Variants in MYO1E observed in about 807,000 individuals in gnomAD.
MYO1E encodes myosin IE.
Under a neutral mutation model 151.1 loss-of-function variants are expected in MYO1E, and 68 were observed. The ratio of observed to expected loss-of-function variants is 0.45; its 90% CI spans 0.37 to 0.55. The LOEUF (loss-of-function observed/expected upper bound fraction) is 0.55, where lower values mean the gene tolerates loss of function less well. Among genes scored for constraint, MYO1E ranks in the 20% least tolerant of loss-of-function variants. The pLI is 0.00. For synonymous variants in MYO1E, 601 were observed against 501.7 expected (o/e 1.20, Z -2.64); for missense variants, 1,363 against 1,389.3 (o/e 0.98, Z 0.30).
At chr15:59,179,527 G>A (rs962401380) in intron 18 of MYO1E, among the ~76,000 whole-genome samples, 40 of 152,138 alleles carry the variant, frequency 2.6e-4, no homozygotes, top group African/African-American at 9.4e-4. Flanking sequence ...ATGAGGTGCT[G>A]TGATTGAAGC....
At chr15:59,253,509 G>C (rs2080177168) in intron 4 of MYO1E, among the ~76,000 whole-genome samples, 1 of 130,682 alleles carries the variant, frequency 7.7e-6, no homozygotes, top group African/African-American at 2.9e-5. Context: ...TTGAGACAGA[G>C]TCTCACTCTG....
At chr15:59,267,596 CG>C (rs1210429552) in intron 2 of MYO1E, among the ~76,000 whole-genome samples, 6 of 152,260 alleles carry the variant, frequency 3.9e-5, no homozygotes, top group East Asian at 1.9e-4. Flanking sequence ...GGGTCTGGCA[CG>C]AAAATCTGGA....
At chr15:59,168,659 C>T (rs2079575117) in intron 22 of MYO1E, among the ~76,000 whole-genome samples, 1 of 152,128 alleles carries the variant, frequency 6.6e-6, no homozygotes. Context: ...TTTAAAATAA[C>T]TACCAGGCTG....
intron 26 of MYO1E, among the ~76,000 whole-genome samples, chr15:59,147,515 G>A (rs1387952726): frequency 2.7e-5 from 4 of 148,432 alleles, no homozygotes; most frequent in African/African-American, 1.0e-4. Flanking sequence ...TCGCTTGAAC[G>A]TGGGAGGCAG....
intron 4 of MYO1E, among the ~76,000 whole-genome samples, chr15:59,239,424 C>A (rs1480471261): frequency 6.6e-6 from 1 of 151,008 alleles, no homozygotes; most frequent in African/African-American, 2.4e-5. Context: ...CTAGAACAAG[C>A]TGGGAAAGAG....
intron 17 of MYO1E, among the ~76,000 whole-genome samples, chr15:59,188,573 G>A (rs1398240956): frequency 6.6e-6 from 1 of 152,156 alleles, no homozygotes; most frequent in Non-Finnish European, 1.5e-5. Context: ...GCACGCACCT[G>A]TAGTCCCAGC....
chr15:59,260,473 AG>A (rs2080218653), intron 3 of MYO1E, among the ~76,000 whole-genome samples: 1 of 152,142 alleles, frequency 6.6e-6, no homozygotes, highest in Non-Finnish European at 1.5e-5. Context: ...TTTGCTTTTT[AG>A]GGGTCAGGAT....
intron 5 of MYO1E, among the ~76,000 whole-genome samples, chr15:59,235,601 CCA>C (rs2080057411): frequency 6.6e-6 from 1 of 152,186 alleles, no homozygotes; most frequent in Non-Finnish European, 1.5e-5. Context: ...TAAGTTGTTT[CCA>C]GTCTTTTGCA....
rs146907813 is a variant in MYO1E, at chr15:59,208,287, T to G, written c.1530+394A>C. On this transcript the variant is annotated intron_variant, in intron 14 of 27. Coordinates refer to ENST00000288235, the MANE Select transcript of MYO1E (RefSeq NM_004998.4). The stretch of plus-strand genomic sequence containing the variant: ...TACTTATTTACAATTCCTAAGTATT[T>G]TTGGTACCTCTGATGTAGCAGCACT... The G allele has an allele frequency of 1.0e-3, 605 of 590,266 alleles. 2 individuals carry two copies. Among genetic ancestry groups the G allele is most frequent in the African/African-American group, 0.01 (535 of 53,224 alleles). The allele number at this position is 590,266 out of a possible 1,614,324, so 36.6% of individuals were successfully genotyped here.
rs541684476 is a variant in MYO1E, at chr15:59,197,346, T to C, written c.1699-1779A>G. Among the ~76,000 whole-genome samples the C allele has an allele frequency of 2.4e-4, 37 of 152,284 alleles. 1 individual carries two copies. The highest frequency in any genetic ancestry group is 8.7e-4 in the African/African-American group (36 of 41,556). ...TGCAAACTCTTTTGTCCTAAGTATT[T>C]AACAGCATTCCTTCTTTTTCACCTC... is the stretch of plus-strand genomic sequence containing the variant. On this transcript the variant is annotated intron_variant, in intron 16 of 27. Coordinates refer to ENST00000288235, the MANE Select transcript of MYO1E (RefSeq NM_004998.4).
At chr15:59,369,292 A>C (rs1341976236) in intron 1 of MYO1E, among the ~76,000 whole-genome samples, 1 of 152,234 alleles carries the variant, frequency 6.6e-6, no homozygotes, top group Non-Finnish European at 1.5e-5. Context: ...CAAGTAAGGA[A>C]AAGGGAACAG....
chr15:59,264,099 C>T (rs1303977268), intron 2 of MYO1E, among the ~76,000 whole-genome samples: 2 of 152,216 alleles, frequency 1.3e-5, no homozygotes, highest in African/African-American at 2.4e-5. Flanking sequence ...TATTTTGGAA[C>T]GTTTGCATTA....
intron 1 of MYO1E, among the ~76,000 whole-genome samples, chr15:59,318,815 G>A (rs1188393071): frequency 1.8e-4 from 27 of 152,122 alleles, no homozygotes; most frequent in Admixed American, 1.8e-3. Context: ...TTAAAGATGA[G>A]GAAAATGAGA....
intron 18 of MYO1E, among the ~76,000 whole-genome samples, chr15:59,183,560 GA>G (rs1300825625): frequency 1.3e-5 from 2 of 152,066 alleles, no homozygotes; most frequent in African/African-American, 4.8e-5. Flanking sequence ...GGTTGCATGA[GA>G]TTTTTTTTCT....
In MYO1E at chr15:59,147,806, GT is replaced by G. The variant is rs562346825; in HGVS notation, c.3080+5783del. 1.1e-4 allele frequency among the ~76,000 whole-genome samples: 16 copies of G among 152,118 alleles called. No individual in the cohort carries two copies. The South Asian group carries it at 3.3e-3, about 32-fold the overall frequency. On this transcript the variant is annotated intron_variant, in intron 26 of 27. Coordinates refer to ENST00000288235, the MANE Select transcript of MYO1E (RefSeq NM_004998.4). ...GCACAGCTGCCAAGGGTGTGTGTGT[GT>G]TGGGGGCGGGCGTCTCCCTGTCTGG...
intron 1 of MYO1E, among the ~76,000 whole-genome samples, chr15:59,333,101 A>C (rs1182999752): frequency 6.6e-6 from 1 of 152,230 alleles, no homozygotes; most frequent in Admixed American, 6.5e-5. Flanking sequence ...ACAGTTGCTT[A>C]GTAAACACAA....
In MYO1E at chr15:59,171,926, C is replaced by T. The variant is rs1210174525; in HGVS notation, c.2451G>A (p.Glu817=). ...GGGACACAGACAAGATCCGTTCTAT[C>T]TCGATTTTCCGCTTCAGGACTTCTT... ...LVKEVLKRKI[E]IERILSVSLS... The change falls in exon 22 of 28, where the codon GAG becomes GAA. Residue 817 remains glutamate, a synonymous_variant. Transcript: ENST00000288235. The T allele has an allele frequency of 5.6e-6, 9 of 1,614,094 alleles. No homozygotes were observed. The highest frequency in any genetic ancestry group is 1.3e-5 in the African/African-American group (1 of 74,942).
intron 2 of MYO1E, among the ~76,000 whole-genome samples, chr15:59,261,847 C>T (rs2080226033): frequency 6.6e-6 from 1 of 152,206 alleles, no homozygotes; most frequent in Non-Finnish European, 1.5e-5. Flanking sequence ...AGTTATCAGT[C>T]CTCCCCTCAA....
intron 1 of MYO1E, among the ~76,000 whole-genome samples, chr15:59,354,238 C>G (rs1055834002): frequency 1.3e-5 from 2 of 152,128 alleles, no homozygotes; most frequent in African/African-American, 4.8e-5. Context: ...CCTTTGAGAC[C>G]GTCCTGGCCT....
Sources: allele counts gnomAD v4.1 joint callset (sites outside exome capture counted in the v4.1 genomes callset), GRCh38; gene constraint gnomAD v4.1.1; transcripts MANE v1.5; gene names NCBI Gene and HGNC (gene_info 2026-07-23, HGNC 2026-07-21).